The following CDH23 variants were observed in gnomAD, a reference collection of about 807,000 sequenced individuals.
CDH23 encodes cadherin-23.
A neutral mutation model predicts 317.1 loss-of-function variants in CDH23; 189 were observed. That is an observed-to-expected ratio of 0.60 (90% CI 0.53 to 0.67). The LOEUF (loss-of-function observed/expected upper bound fraction) is 0.67. CDH23 is among the 30% of genes least tolerant of loss of function. The pLI is 0.00. For synonymous variants in CDH23, 1,839 were observed against 1,876.8 expected (o/e 0.98, Z 0.52); for missense variants, 4,401 against 4,592.4 (o/e 0.96, Z 1.20).
chr10:71,704,185 T>C (rs1373746258), intron 24 of CDH23, among the ~76,000 whole-genome samples: 1 of 152,250 alleles, frequency 6.6e-6, no homozygotes, highest in African/African-American at 2.4e-5. Context: ...CTTGATATTG[T>C]CTCCCAATCC....
intron 28 of CDH23, among the ~76,000 whole-genome samples, chr10:71,718,469 C>A (rs986896415): frequency 6.6e-6 from 1 of 152,028 alleles, no homozygotes; most frequent in Non-Finnish European, 1.5e-5. Flanking sequence ...TCCGCCTTTG[C>A]GGCATCAGGC....
At chr10:71,575,316 G>GTT (rs1430322951) in intron 8 of CDH23, among the ~76,000 whole-genome samples, 2 of 152,148 alleles carry the variant, frequency 1.3e-5, no homozygotes, top group Non-Finnish European at 2.9e-5. Context: ...TAACAATCAC[G>GTT]TTTATAGCAT....
At chr10:71,587,173 G>T (rs991512581) in intron 9 of CDH23, among the ~76,000 whole-genome samples, 9 of 152,244 alleles carry the variant, frequency 5.9e-5, no homozygotes, top group Non-Finnish European at 1.2e-4. Flanking sequence ...CAAATGAGCG[G>T]CAGATCCAGG....
intron 3 of CDH23, among the ~76,000 whole-genome samples, chr10:71,459,009 G>T (rs917341101): frequency 6.6e-6 from 1 of 151,142 alleles, no homozygotes; most frequent in South Asian, 2.1e-4. Flanking sequence ...GGATGGTCTC[G>T]ATCTCGACCT....
At chr10:71,773,514 C>A in intron 38 of CDH23, 12 of 1,430,548 alleles carry the variant, frequency 8.4e-6, no homozygotes, top group South Asian at 1.2e-5. Flanking sequence ...GGAAGCCTCC[C>A]GCGACTGAGT....
intron 3 of CDH23, among the ~76,000 whole-genome samples, chr10:71,460,649 G>C (rs754613707): frequency 6.6e-6 from 1 of 152,202 alleles, no homozygotes; most frequent in Admixed American, 6.5e-5. Context: ...TGAGCAGTCC[G>C]ACAGGGCCCA....
At chr10:71,725,286 A>G (rs1295533695) in intron 29 of CDH23, 86 bp from the exon 30 acceptor site, 4 of 1,589,616 alleles carry the variant, frequency 2.5e-6, no homozygotes, top group Admixed American at 1.7e-5. Flanking sequence ...GGACTGGTGA[A>G]CTTCTGCCCC....
chr10:71,632,674 C>T (rs948240399), intron 11 of CDH23, among the ~76,000 whole-genome samples: 6 of 152,072 alleles, frequency 3.9e-5, no homozygotes, highest in Non-Finnish European at 8.8e-5. Context: ...CTGCCACCAC[C>T]CTGCTGTGCA....
At chr10:71,769,726 T>A (rs1211945789) in intron 38 of CDH23, among the ~76,000 whole-genome samples, 2 of 152,024 alleles carry the variant, frequency 1.3e-5, no homozygotes, top group Non-Finnish European at 2.9e-5. Flanking sequence ...CCATGGGAAA[T>A]AAGATCCTAC....
chr10:71,790,196 T>A, intron 45 of CDH23, 92 bp from the exon 46 acceptor site: 13 of 1,520,050 alleles, frequency 8.6e-6, no homozygotes, highest in Non-Finnish European at 1.2e-5. Context: ...CTCTCATCCA[T>A]CGTCAGCCAT....
rs926743332 is a variant in CDH23 at position 71,436,651 on chromosome 10, C to T, written c.-5-3176C>T. On this transcript the variant is annotated intron_variant, in intron 1 of 69. Transcript: ENST00000224721. Reference sequence around the variant, plus strand: ...TGGAAGATTGAATAAAAATAATACCCGTGAAAATCCTTGGCCTGTGGGATT... The same window carrying T: ...TGGAAGATTGAATAAAAATAATACCTGTGAAAATCCTTGGCCTGTGGGATT... Among the ~76,000 whole-genome samples the T allele has an allele frequency of 3.9e-5, 6 of 152,294 alleles. 2 individuals carry two copies. Among genetic ancestry groups the T allele is most frequent in the Admixed American group, 3.3e-4 (5 of 15,298 alleles).
chr10:71,729,869 C>G (rs894707178), intron 30 of CDH23, among the ~76,000 whole-genome samples: 5 of 151,438 alleles, frequency 3.3e-5, no homozygotes, highest in Admixed American at 3.3e-4. Context: ...GAGTCTCGCT[C>G]TGTTGCCCAG....
intron 6 of CDH23, among the ~76,000 whole-genome samples, chr10:71,537,670 C>G (rs1855774216): frequency 6.6e-6 from 1 of 152,134 alleles, no homozygotes; most frequent in Non-Finnish European, 1.5e-5. Context: ...TCAGTCCATC[C>G]CAAAAAAACC....
At chr10:71,729,553 G>C (rs1589380028) in intron 30 of CDH23, among the ~76,000 whole-genome samples, 1 of 152,160 alleles carries the variant, frequency 6.6e-6, no homozygotes, top group South Asian at 2.1e-4. Context: ...CACTGGGCTG[G>C]TTTCCAACAG....
At chr10:71,712,264 G>A (rs1047786552) in intron 27 of CDH23, 20 of 175,858 alleles carry the variant, frequency 1.1e-4, no homozygotes, top group Non-Finnish European at 1.7e-4. Context: ...GATCCTTAAC[G>A]TAATTACATT....
chr10:71,593,013 A>C (rs1859599364), intron 9 of CDH23, among the ~76,000 whole-genome samples: 1 of 152,156 alleles, frequency 6.6e-6, no homozygotes, highest in African/African-American at 2.4e-5. Flanking sequence ...AGTGTCCACC[A>C]CAAGCCGTGG....
chr10:71,517,673 G>A (rs549806921), intron 6 of CDH23, among the ~76,000 whole-genome samples: 15 of 152,306 alleles, frequency 9.8e-5, no homozygotes, highest in African/African-American at 3.4e-4. Context: ...CCCTTGACAG[G>A]CCATATTAAT....
chr10:71,521,581 TCTTC>T (rs1295669096), intron 6 of CDH23, among the ~76,000 whole-genome samples: 3 of 152,190 alleles, frequency 2.0e-5, no homozygotes, highest in Admixed American at 6.5e-5. Flanking sequence ...CACAGCACCA[TCTTC>T]CTTCCTGCCA....
rs1842106441 is a variant in CDH23, at chr10:71,815,569, G to A, written c.*291G>A. ...GAGGGTCACTGGGGCCCAAGAGTCT[G>A]GGGACCAGCTTGGCTCAGGCTGAGC... On this transcript the variant is annotated 3_prime_UTR_variant, in exon 70 of 70. Transcript: ENST00000224721. The A allele has an allele frequency of 3.4e-6, 1 of 293,588 alleles. No homozygotes were observed. The highest frequency in any genetic ancestry group is 4.7e-5 in the Admixed American group (1 of 21,338). The allele number at this position is 293,588 out of a possible 1,614,324, so 18.2% of individuals were successfully genotyped here.
Sources: gnomAD v4.1 joint callset for allele counts (sites outside exome capture counted in the v4.1 genomes callset) on GRCh38, gnomAD v4.1.1 for gene constraint, MANE v1.5 for transcripts, NCBI Gene and HGNC (gene_info 2026-07-23, HGNC 2026-07-21) for gene names.